PHACTR1: variants seen among roughly 807,000 people sequenced by gnomAD.
PHACTR1 encodes RPEL repeat containing 1.
In PHACTR1, 16 loss-of-function variants were observed where a neutral mutation model predicts 69.2. That is an observed-to-expected ratio of 0.23 (90% CI 0.16 to 0.35). The LOEUF (loss-of-function observed/expected upper bound fraction) is 0.35, where lower values mean the gene tolerates loss of function less well. PHACTR1 is among the 10% of genes least tolerant of loss of function. The pLI is 1.00. For synonymous variants in PHACTR1, 312 were observed against 284.5 expected, an observed-to-expected ratio of 1.10 and a Z score of -0.97; for missense variants, 510 against 734.7, an observed-to-expected ratio of 0.69 and a Z score of 3.54.
At chr6:13,162,501 TGGAAA>T in intron 6 of PHACTR1, among the ~76,000 whole-genome samples, 1 of 152,070 alleles carries the variant, frequency 6.6e-6, no homozygotes, top group African/African-American at 2.4e-5. Flanking sequence ...CCAGGAGAGA[TGGAAA>T]ATGTTTAACT....
chr6:13,077,233 C>T (rs1583255386), intron 5 of PHACTR1, among the ~76,000 whole-genome samples: 1 of 150,280 alleles, frequency 6.7e-6, no homozygotes, highest in African/African-American at 2.5e-5. Context: ...TATGCATTCA[C>T]TTGTTTAATT....
Position 12,938,068 on chromosome 6 carries a change from C to T in PHACTR1, c.251-115297C>T, listed in dbSNP as rs576027334. Among the ~76,000 whole-genome samples the T allele has an allele frequency of 1.1e-4, 16 of 151,950 alleles. No individual in the cohort carries two copies. In the South Asian group the frequency reaches 3.3e-3, roughly 32 times the overall value. On this transcript the variant is annotated intron_variant, in intron 4 of 14. Transcript: ENST00000332995. ...TGGGCCGAGGTCACGCCACTGCACT[C>T]CAGCCTGGGAAACAGAGTGAGACTC...
At chr6:13,238,863 A>G (rs562725099) in intron 10 of PHACTR1, among the ~76,000 whole-genome samples, 1 of 152,348 alleles carries the variant, frequency 6.6e-6, no homozygotes, top group South Asian at 2.1e-4. Context: ...TGTCAATTCA[A>G]CTTGGACTTA....
At chr6:13,168,614 T>C (rs1760154023) in intron 6 of PHACTR1, among the ~76,000 whole-genome samples, 1 of 152,166 alleles carries the variant, frequency 6.6e-6, no homozygotes, top group Admixed American at 6.5e-5. Context: ...GGATAGTATT[T>C]TCAGGTGCAT....
chr6:12,999,868 G>A (rs574974721), intron 4 of PHACTR1, among the ~76,000 whole-genome samples: 24 of 152,140 alleles, frequency 1.6e-4, no homozygotes, highest in African/African-American at 5.6e-4. Flanking sequence ...CATTATTTTT[G>A]AAACACTAAA....
intron 4 of PHACTR1, among the ~76,000 whole-genome samples, chr6:13,018,020 G>A (rs1800431717): frequency 6.6e-6 from 1 of 152,124 alleles, no homozygotes; most frequent in Non-Finnish European, 1.5e-5. Context: ...GGACTTGCTA[G>A]ATGTTTTCCC....
At chr6:13,177,342 T>G (rs1005671092) in intron 6 of PHACTR1, among the ~76,000 whole-genome samples, 1 of 150,510 alleles carries the variant, frequency 6.6e-6, no homozygotes, top group Admixed American at 6.7e-5. Flanking sequence ...ACTCTCTGTC[T>G]GTCTGTCTGT....
At chr6:12,877,743 C>G (rs182979440) in intron 4 of PHACTR1, among the ~76,000 whole-genome samples, 1 of 152,178 alleles carries the variant, frequency 6.6e-6, no homozygotes, top group Admixed American at 6.5e-5. Flanking sequence ...CATGTCCCCA[C>G]GCTGTGACAC....
chr6:12,944,980 C>T (rs1431928844), intron 4 of PHACTR1, among the ~76,000 whole-genome samples: 1 of 151,970 alleles, frequency 6.6e-6, no homozygotes, highest in Non-Finnish European at 1.5e-5. Context: ...GACGGGGTTT[C>T]ACCGTGTTAG....
At chr6:12,812,311 T>C (rs1775107805) in intron 4 of PHACTR1, among the ~76,000 whole-genome samples, 1 of 152,238 alleles carries the variant, frequency 6.6e-6, no homozygotes, top group African/African-American at 2.4e-5. Context: ...TTCATCCACA[T>C]TGTAGCATGT....
rs550799969 is a variant in PHACTR1 at position 12,794,032 on chromosome 6, A to G, written c.250+44242A>G. ...CAGAGTTTAAAGTCAGAGAGCTTTC[A>G]GTTGAAATCCTGGTTCAATCACTTA... On this transcript the variant is annotated intron_variant, in intron 4 of 14. Transcript: ENST00000332995. Among the ~76,000 whole-genome samples the G allele has an allele frequency of 7.9e-4, 120 of 152,372 alleles. 3 individuals carry two copies. Among genetic ancestry groups the G allele is most frequent in the Admixed American group, 7.7e-3 (118 of 15,304 alleles).
intron 5 of PHACTR1, among the ~76,000 whole-genome samples, chr6:13,070,393 C>T (rs994514192): frequency 6.6e-6 from 1 of 152,134 alleles, no homozygotes; most frequent in Non-Finnish European, 1.5e-5. Flanking sequence ...GAACTAGCTG[C>T]AATCTGGCTC....
intron 4 of PHACTR1, among the ~76,000 whole-genome samples, chr6:12,822,524 G>A (rs1776336004): frequency 6.6e-6 from 1 of 152,228 alleles, no homozygotes; most frequent in African/African-American, 2.4e-5. Flanking sequence ...ACGGTCAGAA[G>A]AAACCACAGC....
chr6:13,284,905 A>AAGTC (rs1476135093), intron 13 of PHACTR1, among the ~76,000 whole-genome samples: 1 of 152,190 alleles, frequency 6.6e-6, no homozygotes, highest in Non-Finnish European at 1.5e-5. Context: ...CATGTGTGGA[A>AAGTC]GACTGTGCCC....
intron 4 of PHACTR1, among the ~76,000 whole-genome samples, chr6:12,969,073 G>T (rs1248689816): frequency 6.6e-6 from 1 of 152,178 alleles, no homozygotes; most frequent in Non-Finnish European, 1.5e-5. Flanking sequence ...CAAGGTTCTA[G>T]AAGAGTGGTT....
intron 4 of PHACTR1, among the ~76,000 whole-genome samples, chr6:12,968,816 C>T (rs1793805548): frequency 6.6e-6 from 1 of 152,152 alleles, no homozygotes; most frequent in Non-Finnish European, 1.5e-5. Context: ...GGCATTTCAC[C>T]AGGGAGTTCT....
chr6:12,966,534 T>C (rs964672409), intron 4 of PHACTR1, among the ~76,000 whole-genome samples: 2 of 152,182 alleles, frequency 1.3e-5, no homozygotes, highest in African/African-American at 4.8e-5. Context: ...TACCTGACCT[T>C]GTTCTCTAGT....
chr6:12,753,150 A>G (rs1225165004), intron 4 of PHACTR1, among the ~76,000 whole-genome samples: 3 of 152,248 alleles, frequency 2.0e-5, no homozygotes, highest in Non-Finnish European at 4.4e-5. Context: ...TGTTCACACT[A>G]TTAGTAGCAA....
At chr6:13,187,252 TATA>T (rs938629929) in intron 7 of PHACTR1, among the ~76,000 whole-genome samples, 4 of 152,184 alleles carry the variant, frequency 2.6e-5, no homozygotes, top group Non-Finnish European at 5.9e-5. Context: ...TGAATGCATA[TATA>T]TACGTAGAGA....
Sources: gnomAD v4.1 joint callset for allele counts (sites outside exome capture counted in the v4.1 genomes callset) on GRCh38, gnomAD v4.1.1 for gene constraint, MANE v1.5 for transcripts, NCBI Gene and HGNC (gene_info 2026-07-23, HGNC 2026-07-21) for gene names.